The following PLAA variants were observed in gnomAD, a reference collection of about 807,000 sequenced individuals.
PLAA encodes phospholipase A-2-activating protein.
In PLAA, 48 loss-of-function variants were observed where a neutral mutation model predicts 84.1. The observed-to-expected ratio is 0.57, with a 90% CI of 0.45 to 0.73. The LOEUF (loss-of-function observed/expected upper bound fraction) is 0.73. PLAA is among the 30% of genes least tolerant of loss of function. The probability of loss-of-function intolerance (pLI) is 0.00; values close to 1 mark genes in which losing one functional copy is unlikely to be tolerated. For missense variants in PLAA, 903 were observed against 954.7 expected (o/e 0.95, Z 0.71); for synonymous variants, 392 against 336.6 (o/e 1.16, Z -1.80).
intron 12 of PLAA, among the ~76,000 whole-genome samples, chr9:26,908,420 C>T (rs1824304361): frequency 6.6e-6 from 1 of 151,616 alleles, no homozygotes; most frequent in African/African-American, 2.4e-5. Context: ...CCCTCCTTAG[C>T]CTCCCGAAGT....
In PLAA at chr9:26,933,544, T is replaced by C. The variant is rs1825252528; in HGVS notation, c.343+1469A>G. 3.3e-5 allele frequency among the ~76,000 whole-genome samples: 5 copies of C among 152,020 alleles called. No individual in the cohort carries two copies. In the South Asian group the frequency reaches 1.0e-3, roughly 32 times the overall value. On this transcript the variant is annotated intron_variant, in intron 2 of 13. Transcript: ENST00000397292. Reference sequence around the variant, plus strand: ...TGGCTCACGCCTGTAATCCCAGCAATATGGAAGGCCGAGGGGGGCAAATCA... The same window carrying C: ...TGGCTCACGCCTGTAATCCCAGCAACATGGAAGGCCGAGGGGGGCAAATCA...
At chr9:26,921,165 T>C (rs1428470402) in intron 7 of PLAA, among the ~76,000 whole-genome samples, 1 of 152,194 alleles carries the variant, frequency 6.6e-6, no homozygotes, top group Non-Finnish European at 1.5e-5. Context: ...TTGTATTAGC[T>C]GTTTATTCTG....
chr9:26,936,438 C>T (rs1319204086), intron 1 of PLAA, among the ~76,000 whole-genome samples: 2 of 152,160 alleles, frequency 1.3e-5, no homozygotes, highest in East Asian at 1.9e-4. Context: ...TCTGTTTTCC[C>T]ACCTAGACAA....
At chr9:26,916,310 CTGAAGATCCAA>C in intron 10 of PLAA, 9 of 986,958 alleles carry the variant, frequency 9.1e-6, no homozygotes, top group Non-Finnish European at 1.1e-5. Context: ...GGAACTCTGT[CTGAAGATCCAA>C]CAACAGCATT....
chr9:26,946,057 G>A (rs1037515877), intron 1 of PLAA, among the ~76,000 whole-genome samples: 3 of 152,136 alleles, frequency 2.0e-5, no homozygotes, highest in African/African-American at 7.2e-5. Flanking sequence ...CAAAGAGGAG[G>A]CACTCAACAG....
At chr9:26,942,717 C>T (rs1258769026) in intron 1 of PLAA, among the ~76,000 whole-genome samples, 1 of 151,974 alleles carries the variant, frequency 6.6e-6, no homozygotes, top group African/African-American at 2.4e-5. Context: ...CCCGTCTCTA[C>T]TAAAAATACA....
At position 26,944,759 on chromosome 9, in the gene PLAA, CTG is replaced by C. The variant is rs201007644; in HGVS notation, c.149+2136_149+2137del. Among the ~76,000 whole-genome samples the C allele has an allele frequency of 2.5e-3, 385 of 152,328 alleles. 4 individuals are homozygous for C. The highest frequency in any genetic ancestry group is 8.9e-3 in the African/African-American group (368 of 41,568). On this transcript the variant is annotated intron_variant, in intron 1 of 13. Coordinates refer to ENST00000397292, the MANE Select transcript of PLAA (RefSeq NM_001031689.3). ...TTATCTCACTACGCACTAACACACACTGTGGCAAAATGCAAGTTCTTCATCAG... is the reference window on the plus strand; with the variant it reads ...TTATCTCACTACGCACTAACACACACTGGCAAAATGCAAGTTCTTCATCAG...
chr9:26,936,413 C>G (rs1027275633), intron 1 of PLAA, among the ~76,000 whole-genome samples: 5 of 152,170 alleles, frequency 3.3e-5, no homozygotes, highest in Admixed American at 1.3e-4. Context: ...TCGGCAGAGT[C>G]GGAAGCACCA....
At chr9:26,933,604 T>C (rs1273690752) in intron 2 of PLAA, among the ~76,000 whole-genome samples, 4 of 151,574 alleles carry the variant, frequency 2.6e-5, no homozygotes, top group East Asian at 3.9e-4. Flanking sequence ...CTGGCTAACA[T>C]GGTAAAACCC....
At chr9:26,932,434 A>G (rs1208745941) in intron 2 of PLAA, among the ~76,000 whole-genome samples, 1 of 152,232 alleles carries the variant, frequency 6.6e-6, no homozygotes, top group East Asian at 1.9e-4. Flanking sequence ...ATGAAATTCA[A>G]ATTTCAGTGT....
intron 7 of PLAA, among the ~76,000 whole-genome samples, chr9:26,921,353 T>C (rs780275619): frequency 6.6e-6 from 1 of 152,350 alleles, no homozygotes; most frequent in African/African-American, 2.4e-5. Flanking sequence ...AGAGACTACA[T>C]TATCTAGTCC....
intron 2 of PLAA, among the ~76,000 whole-genome samples, chr9:26,931,906 G>A (rs879289719): frequency 6.6e-6 from 1 of 152,112 alleles, no homozygotes; most frequent in Non-Finnish European, 1.5e-5. Flanking sequence ...ACAACATGGT[G>A]AAACCCCATC....
At chr9:26,932,965 T>C (rs1197166023) in intron 2 of PLAA, among the ~76,000 whole-genome samples, 1 of 151,858 alleles carries the variant, frequency 6.6e-6, no homozygotes, top group Admixed American at 6.6e-5. Context: ...TGAAATCCCA[T>C]CCCTACTAAA....
At chr9:26,927,047 A>T (rs184158639) in intron 4 of PLAA, among the ~76,000 whole-genome samples, 1 of 152,122 alleles carries the variant, frequency 6.6e-6, no homozygotes, top group African/African-American at 2.4e-5. Context: ...ATACATATAT[A>T]TAGACTATAT....
intron 1 of PLAA, among the ~76,000 whole-genome samples, chr9:26,941,637 G>A (rs967440922): frequency 4.6e-5 from 7 of 151,992 alleles, no homozygotes; most frequent in Non-Finnish European, 1.0e-4. Context: ...CATTAAGGAG[G>A]AAATACCTTA....
intron 6 of PLAA, among the ~76,000 whole-genome samples, chr9:26,924,924 G>T (rs1824892357): frequency 6.6e-6 from 1 of 152,132 alleles, no homozygotes; most frequent in African/African-American, 2.4e-5. Context: ...GCATGAGTGT[G>T]GCTCACCACC....
chr9:26,912,960 C>T (rs1203292345), intron 11 of PLAA, among the ~76,000 whole-genome samples: 3 of 152,034 alleles, frequency 2.0e-5, no homozygotes, highest in Admixed American at 6.6e-5. Context: ...TGGTAGTGTG[C>T]GCATGTAAAC....
At chr9:26,933,542 A>G (rs1023509056) in intron 2 of PLAA, among the ~76,000 whole-genome samples, 1 of 152,006 alleles carries the variant, frequency 6.6e-6, no homozygotes, top group Non-Finnish European at 1.5e-5. Context: ...TAATCCCAGC[A>G]ATATGGAAGG....
At chr9:26,921,220 C>A (rs972911342) in intron 7 of PLAA, among the ~76,000 whole-genome samples, 1 of 152,194 alleles carries the variant, frequency 6.6e-6, no homozygotes, top group African/African-American at 2.4e-5. Context: ...TTGCTCCTTT[C>A]CCTCTTTAAC....
Sources: allele counts gnomAD v4.1 joint callset (sites outside exome capture counted in the v4.1 genomes callset), GRCh38; gene constraint gnomAD v4.1.1; transcripts MANE v1.5; gene names NCBI Gene and HGNC (gene_info 2026-07-23, HGNC 2026-07-21).